MUC7: variants seen among roughly 807,000 people sequenced by gnomAD.
The protein encoded by MUC7 is mucin-7.
Under a neutral mutation model 2.5 loss-of-function variants are expected in MUC7, and 2 were observed. That is an observed-to-expected ratio of 0.81 (90% CI 0.33 to 2.55). The LOEUF (loss-of-function observed/expected upper bound fraction) is 2.55. Among genes scored for constraint, MUC7 ranks in the 30% most tolerant of loss-of-function variants. The pLI, the probability that MUC7 is intolerant of heterozygous loss-of-function variation, is 0.11. For missense variants in MUC7, 408 were observed against 455.6 expected (o/e 0.90, Z 0.95); for synonymous variants, 133 against 173.4 (o/e 0.77, Z 1.83).
intron 1 of MUC7, among the ~76,000 whole-genome samples, chr4:70,433,756 A>T (rs1733744918): frequency 6.6e-6 from 1 of 152,142 alleles, no homozygotes; most frequent in Non-Finnish European, 1.5e-5. Context: ...AACTTCCAAC[A>T]CTATGTTGAA....
Position 70,480,762 on chromosome 4 carries a change from CT to C in MUC7, c.55-31del, listed in dbSNP as rs1577918020. The C allele has an allele frequency of 3.8e-6, 6 of 1,595,250 alleles. No individual in the cohort carries two copies. The East Asian group carries it at 1.1e-4, about 30-fold the overall frequency. On this transcript the variant is annotated intron_variant, in intron 2 of 2. Coordinates refer to ENST00000304887, the MANE Select transcript of MUC7 (RefSeq NM_152291.3). ...TGATCACCTGATTGATAAATGGATA[CT>C]TTTTTCATTTCTTACATTTTCTTTC...
chr4:70,480,271 T>C (rs1577917764), intron 2 of MUC7, among the ~76,000 whole-genome samples: 1 of 152,356 alleles, frequency 6.6e-6, no homozygotes, highest in Middle Eastern at 3.4e-3. Flanking sequence ...AACTGTTTCC[T>C]GAAATATGGA....
intron 1 of MUC7, among the ~76,000 whole-genome samples, chr4:70,438,518 G>A (rs530304460): frequency 2.4e-4 from 36 of 152,142 alleles, no homozygotes; most frequent in Middle Eastern, 3.4e-3. Flanking sequence ...GTGCAGTGGC[G>A]CAATCTCGGC....
intron 1 of MUC7, among the ~76,000 whole-genome samples, chr4:70,461,015 G>T (rs925672818): frequency 6.6e-6 from 1 of 152,130 alleles, no homozygotes; most frequent in East Asian, 1.9e-4. Flanking sequence ...GATTGTTTCC[G>T]TGCAGTGAGG....
At chr4:70,474,144 AC>A in intron 2 of MUC7, 69 bp downstream of exon 2, 2 of 1,332,920 alleles carry the variant, frequency 1.5e-6, no homozygotes, top group Non-Finnish European at 2.1e-6. Flanking sequence ...CCTACCTGAG[AC>A]TTTTAAAGCA....
intron 1 of MUC7, among the ~76,000 whole-genome samples, chr4:70,440,052 T>C (rs1733961744): frequency 6.6e-6 from 1 of 152,140 alleles, no homozygotes; most frequent in Admixed American, 6.6e-5. Context: ...GAGGTCACCA[T>C]ATATGTCATC....
intron 1 of MUC7, among the ~76,000 whole-genome samples, chr4:70,462,746 G>A (rs1292906107): frequency 6.6e-6 from 1 of 152,190 alleles, no homozygotes; most frequent in Non-Finnish European, 1.5e-5. Flanking sequence ...GCTGAGGCAA[G>A]AGAATTGCTT....
chr4:70,442,743 T>C (rs190500280), intron 1 of MUC7, among the ~76,000 whole-genome samples: 12 of 152,344 alleles, frequency 7.9e-5, no homozygotes, highest in African/African-American at 2.9e-4. Context: ...AAGGCAGTTC[T>C]TGCCATCTTA....
At chr4:70,470,461 C>T (rs2109736533), upstream of MUC7, among the ~76,000 whole-genome samples, 1 of 152,030 alleles carries the variant, frequency 6.6e-6, no homozygotes, top group Non-Finnish European at 1.5e-5. Context: ...AAAATAAAAC[C>T]TGAAATGTAC....
chr4:70,481,016 C>G lies in MUC7; in HGVS notation c.272C>G (p.Pro91Arg), dbSNP rs778904122. Residue 91 changes from proline to arginine, a missense_variant, in exon 3 of 3, where the codon CCT becomes CGT. Transcript: ENST00000304887. Reference protein sequence around the residue: ...PPKFPNPHQPPKHPDKNSSVV... With the variant: ...PPKFPNPHQPRKHPDKNSSVV... ...AAATTCCCAAATCCTCACCAGCCAC[C>G]TAAACATCCAGATAAAAATAGCAGT... The G allele has an allele frequency of 1.2e-6, 2 of 1,614,112 alleles. No individual in the cohort carries two copies. Among genetic ancestry groups the G allele is most frequent in the Admixed American group, 3.3e-5 (2 of 60,018 alleles).
At chr4:70,451,643 T>C (rs1397252520) in intron 1 of MUC7, among the ~76,000 whole-genome samples, 1 of 152,094 alleles carries the variant, frequency 6.6e-6, no homozygotes. Context: ...ACTATTTCAA[T>C]TTTTTTTAAT....
intron 1 of MUC7, among the ~76,000 whole-genome samples, chr4:70,459,452 G>A (rs1734497326): frequency 6.6e-6 from 1 of 152,110 alleles, no homozygotes; most frequent in South Asian, 2.1e-4. Context: ...AGCGAGGAGG[G>A]ATAGCATTAG....
At chr4:70,451,428 G>A (rs1040571847) in intron 1 of MUC7, among the ~76,000 whole-genome samples, 1 of 152,102 alleles carries the variant, frequency 6.6e-6, no homozygotes, top group African/African-American at 2.4e-5. Context: ...CCTGATTTTC[G>A]GTTCTTATGA....
In MUC7 at chr4:70,438,456, T is replaced by TTTTGTTTTGGTTTGG. The variant is rs1553917928; in HGVS notation, c.-93+7773_-93+7774insTTTTGGTTTGGTTTG. On this transcript the variant is annotated intron_variant, in intron 1 of 3. Coordinates refer to the MUC7 transcript ENST00000413702. ...TTTTGTTTTGTTTTGTTTTGTTTTG[T>TTTTGTTTTGGTTTGG]TTTGGTTTGGTTTGGTTTTGAGACA... Among the ~76,000 whole-genome samples the TTTTGTTTTGGTTTGG allele has an allele frequency of 1.4e-3, 215 of 151,462 alleles. 2 individuals are homozygous for TTTTGTTTTGGTTTGG. The South Asian group carries it at 0.014, about 10-fold the overall frequency.
chr4:70,480,914 C>A lies in MUC7; in HGVS notation c.170C>A (p.Pro57Gln), dbSNP rs764963529. ...HYPGLLAHQK[P>Q]FIRKSYKCLH... ...CCTGGACTGCTAGCTCACCAGAAGC[C>A]GTTCATTAGAAAGTCCTATAAATGT... Residue 57 changes from proline to glutamine, a missense_variant, in exon 3 of 3, where the codon CCG (proline) becomes CAG (glutamine). Physicochemically the swap from Pro to Gln is moderately conservative, Grantham distance 76 (BLOSUM62 -1). Around this residue, in one of 3 missense-constraint regions of MUC7, gnomAD observed 225 missense variants for 240.5 expected, o/e 0.94. Coordinates refer to ENST00000304887, the MANE Select transcript of MUC7 (RefSeq NM_152291.3). 3 of 1,613,988 alleles carry A rather than the reference C, an allele frequency of 1.9e-6. No homozygotes were observed. Among genetic ancestry groups the A allele is most frequent in the African/African-American group, 1.3e-5 (1 of 74,908 alleles).
At chr4:70,458,782 A>G in intron 1 of MUC7, among the ~76,000 whole-genome samples, 1 of 152,138 alleles carries the variant, frequency 6.6e-6, no homozygotes, top group East Asian at 1.9e-4. Flanking sequence ...TAAAAATACA[A>G]CTGCATGCTA....
chr4:70,462,441 A>G (rs1311850871), intron 1 of MUC7, among the ~76,000 whole-genome samples: 1 of 152,188 alleles, frequency 6.6e-6, no homozygotes, highest in Non-Finnish European at 1.5e-5. Context: ...TGCTCCCACA[A>G]ATTGACAAAT....
intron 1 of MUC7, among the ~76,000 whole-genome samples, chr4:70,448,898 A>G (rs564432330): frequency 6.6e-6 from 1 of 152,248 alleles, no homozygotes; most frequent in South Asian, 2.1e-4. Context: ...GTAGTTTCAT[A>G]GTTTGAGGTC....
chr4:70,439,328 G>A (rs1733943861), intron 1 of MUC7, among the ~76,000 whole-genome samples: 1 of 152,162 alleles, frequency 6.6e-6, no homozygotes, highest in Admixed American at 6.5e-5. Flanking sequence ...GGTTCCTTTA[G>A]CACCTTCTAA....
Sources: allele counts gnomAD v4.1 joint callset (sites outside exome capture counted in the v4.1 genomes callset), GRCh38; gene constraint gnomAD v4.1.1; regional missense constraint gnomAD v4.1.1; transcripts MANE v1.5; gene names NCBI Gene and HGNC (gene_info 2026-07-23, HGNC 2026-07-21).